Variants in PTCH1 observed in about 807,000 individuals in gnomAD.
PTCH1 encodes patched 1.
A neutral mutation model predicts 144.6 loss-of-function variants in PTCH1; 14 were observed. That is an observed-to-expected ratio of 0.10 (90% CI 0.06 to 0.15). The LOEUF (loss-of-function observed/expected upper bound fraction) is 0.15. PTCH1 is among the 10% of genes least tolerant of loss of function. The probability of loss-of-function intolerance (pLI) is 1.00; values close to 1 mark genes in which losing one functional copy is unlikely to be tolerated. For missense variants in PTCH1, 1,623 were observed against 1,948.3 expected (o/e 0.83, Z 3.14); for synonymous variants, 833 against 793.6 (o/e 1.05, Z -0.83).
At chr9:95,500,656 T>C (rs2118793786) in intron 2 of PTCH1, among the ~76,000 whole-genome samples, 1 of 152,206 alleles carries the variant, frequency 6.6e-6, no homozygotes. Flanking sequence ...TTGGTTCTGC[T>C]CCACAAGGGC....
chr9:95,502,695 T>A (rs1211054608), intron 2 of PTCH1, among the ~76,000 whole-genome samples: 1 of 152,172 alleles, frequency 6.6e-6, no homozygotes, highest in Non-Finnish European at 1.5e-5. Flanking sequence ...CAATAATTCT[T>A]ATCACCAATT....
At chr9:95,506,173 C>T in intron 2 of PTCH1, 1 of 383,386 alleles carries the variant, frequency 2.6e-6, no homozygotes, top group Non-Finnish European at 4.5e-6. Flanking sequence ...CCCGCCCCCG[C>T]CGCTCTCTCC....
chr9:95,506,898 T>C, intron 1 of PTCH1: 1 of 1,123,244 alleles, frequency 8.9e-7, no homozygotes, highest in Non-Finnish European at 1.1e-6. Flanking sequence ...GAAGCCGAGG[T>C]AGAGAGGAGA....
Position 95,480,383 on chromosome 9 carries a change from T to TA in PTCH1, c.945+6dup, listed in dbSNP as rs2118410569. 2 of 1,610,148 alleles carry TA rather than the reference T, an allele frequency of 1.2e-6. No homozygotes were observed. The highest frequency in any genetic ancestry group is 2.2e-5 in the South Asian group (2 of 90,222). On this transcript the variant is annotated splice_region_variant and intron_variant, in intron 6 of 23. Coordinates refer to ENST00000331920, the MANE Select transcript of PTCH1 (RefSeq NM_000264.5). ...CCCTTCTGAGAGCGCTCACTGCTGG[T>TA]ACTCACTTTGGTTGAATTTTTGTTG...
intron 2 of PTCH1, among the ~76,000 whole-genome samples, chr9:95,491,161 T>A (rs1842380272): frequency 6.6e-6 from 1 of 152,210 alleles, no homozygotes; most frequent in South Asian, 2.1e-4. Flanking sequence ...GTTTTATACT[T>A]GGGTGGTGCT....
upstream of PTCH1, among the ~76,000 whole-genome samples, chr9:95,509,358 C>T (rs1844019725): frequency 6.6e-6 from 1 of 152,160 alleles, no homozygotes; most frequent in Non-Finnish European, 1.5e-5. Context: ...GCGATTGGCT[C>T]GCGGAGGGCA....
intron 2 of PTCH1, among the ~76,000 whole-genome samples, chr9:95,488,354 A>G (rs920057346): frequency 6.6e-6 from 1 of 152,202 alleles, no homozygotes; most frequent in Non-Finnish European, 1.5e-5. Context: ...AACTAAGACT[A>G]TCATGATAGG....
At chr9:95,465,781 A>T (rs1382716032) in intron 15 of PTCH1, among the ~76,000 whole-genome samples, 1 of 152,238 alleles carries the variant, frequency 6.6e-6, no homozygotes, top group Non-Finnish European at 1.5e-5. Flanking sequence ...AATCATTTGG[A>T]TAATCCAAGC....
At chr9:95,446,561 G>A (rs1314885190) in intron 23 of PTCH1, 170 bp from the exon 24 acceptor site, 5 of 444,648 alleles carry the variant, frequency 1.1e-5, no homozygotes, top group African/African-American at 4.0e-5. Flanking sequence ...TCATCTGGGG[G>A]CTGGTTACAC....
chr9:95,460,188 G>A (rs1179272999), intron 16 of PTCH1, among the ~76,000 whole-genome samples: 1 of 152,198 alleles, frequency 6.6e-6, no homozygotes, highest in Non-Finnish European at 1.5e-5. Context: ...TGAAGGAAAT[G>A]CCACCCAGTA....
rs2117946911 is a variant in PTCH1 at position 95,467,134 on chromosome 9, A to G, written c.2542T>C (p.Phe848Leu). ...KQLPKMWLHY[F>L]RDWLQGLQDA... ...GTCTTACCCTGAAGCCAGTCTCTGA[A>G]GTAGTGCAGCCACATTTTGGGAAGC... The change falls in exon 15 of 24, where the codon TTC becomes CTC. Residue 848 changes from phenylalanine (F) to leucine (L), a missense_variant. Transcript: ENST00000331920. The G allele has an allele frequency of 1.2e-6, 2 of 1,614,230 alleles. No individual in the cohort carries two copies. Among genetic ancestry groups the G allele is most frequent in the Non-Finnish European group, 1.7e-6 (2 of 1,180,040 alleles).
chr9:95,510,072 A>C (rs1213491791), upstream of PTCH1, among the ~76,000 whole-genome samples: 3 of 152,068 alleles, frequency 2.0e-5, no homozygotes, highest in African/African-American at 7.2e-5. Context: ...CAGACACCGA[A>C]GCAGTCTTGT....
chr9:95,490,738 G>C (rs1327325612), intron 2 of PTCH1, among the ~76,000 whole-genome samples: 1 of 151,922 alleles, frequency 6.6e-6, no homozygotes, highest in African/African-American at 2.4e-5. Flanking sequence ...GGGAAATGAA[G>C]AGAGGTGGGT....
chr9:95,501,923 C>T (rs1277627729), intron 2 of PTCH1, among the ~76,000 whole-genome samples: 2 of 152,142 alleles, frequency 1.3e-5, no homozygotes, highest in Non-Finnish European at 2.9e-5. Context: ...GTGAAGCATT[C>T]GTGGCTCCAG....
At chr9:95,512,032 T>A (rs755575348), upstream of PTCH1, among the ~76,000 whole-genome samples, 4 of 152,204 alleles carry the variant, frequency 2.6e-5, no homozygotes, top group African/African-American at 9.7e-5. Flanking sequence ...ATAGCTTGTT[T>A]GGAAGAAGGA....
At chr9:95,446,695 TG>T (rs1790969423) in intron 23 of PTCH1, 1 of 640,034 alleles carries the variant, frequency 1.6e-6, no homozygotes, top group Non-Finnish European at 2.7e-6. Context: ...AGGTTAGCAG[TG>T]GGGGAAGAGA....
chr9:95,488,220 T>C (rs983310662), intron 2 of PTCH1, among the ~76,000 whole-genome samples: 2 of 152,238 alleles, frequency 1.3e-5, no homozygotes, highest in South Asian at 2.1e-4. Flanking sequence ...TTTTAAGATG[T>C]ATATTTACAT....
At chr9:95,477,810 C>G in intron 9 of PTCH1, 108 bp from the exon 10 acceptor site, 1 of 1,509,722 alleles carries the variant, frequency 6.6e-7, no homozygotes, top group South Asian at 1.2e-5. Flanking sequence ...CAGAACTTAT[C>G]CAACAACAAC....
At chr9:95,484,923 G>A (rs1841850428) in intron 3 of PTCH1, among the ~76,000 whole-genome samples, 1 of 152,054 alleles carries the variant, frequency 6.6e-6, no homozygotes, top group Admixed American at 6.6e-5. Context: ...AGGTGTCAGC[G>A]GGCCAGGCAT....
Sources: gnomAD v4.1 joint callset for allele counts (sites outside exome capture counted in the v4.1 genomes callset) on GRCh38, gnomAD v4.1.1 for gene constraint, MANE v1.5 for transcripts, NCBI Gene and HGNC (gene_info 2026-07-23, HGNC 2026-07-21) for gene names.